ATG7: variants seen among roughly 807,000 people sequenced by gnomAD.
ATG7 encodes the protein ubiquitin-like modifier-activating enzyme ATG7.
In ATG7, 70 loss-of-function variants were observed where a neutral mutation model predicts 82.4. The ratio of observed to expected loss-of-function variants is 0.85; its 90% CI spans 0.70 to 1.04. ATG7 has a LOEUF of 1.04. ATG7 is among the 50% of genes least tolerant of loss of function. The pLI is 0.00. For missense variants in ATG7, 792 were observed against 864.3 expected (o/e 0.92, Z 1.05); for synonymous variants, 287 against 313.0 (o/e 0.92, Z 0.88).
intron 18 of ATG7, among the ~76,000 whole-genome samples, chr3:11,371,203 T>C (rs1235101165): frequency 1.3e-5 from 2 of 151,182 alleles, no homozygotes; most frequent in Non-Finnish European, 1.5e-5. Context: ...CTGCCTGGCT[T>C]CTAGGATTAG....
intron 9 of ATG7, among the ~76,000 whole-genome samples, chr3:11,317,993 T>A (rs1326323742): frequency 6.6e-6 from 1 of 152,228 alleles, no homozygotes; most frequent in African/African-American, 2.4e-5. Flanking sequence ...CACCTCCTTA[T>A]AAGGTTTTGT....
At chr3:11,286,227 C>T (rs1943973166) in intron 3 of ATG7, among the ~76,000 whole-genome samples, 1 of 152,188 alleles carries the variant, frequency 6.6e-6, no homozygotes, top group African/African-American at 2.4e-5. Context: ...GATATTGTCA[C>T]TAGTAGCTAC....
At chr3:11,541,068 T>G (rs898588441) in intron 20 of ATG7, among the ~76,000 whole-genome samples, 1 of 151,804 alleles carries the variant, frequency 6.6e-6, no homozygotes, top group Non-Finnish European at 1.5e-5. Context: ...CCTGGCTAAT[T>G]TTTTTGTATT....
chr3:11,347,399 T>C (rs559692271), intron 13 of ATG7, among the ~76,000 whole-genome samples: 71 of 152,334 alleles, frequency 4.7e-4, no homozygotes, highest in African/African-American at 1.7e-3. Flanking sequence ...TGGTACAAAA[T>C]GTTCTAAAAT....
In ATG7 at chr3:11,288,941, A is replaced by G. The variant is rs138072508; in HGVS notation, c.-11+6503A>G. 4.0e-3 allele frequency among the ~76,000 whole-genome samples: 614 copies of G among 152,308 alleles called. 5 individuals carry two copies. The highest frequency in any genetic ancestry group is 0.014 in the African/African-American group (580 of 41,568). On this transcript the variant is annotated intron_variant, in intron 3 of 20. Transcript: ENST00000693202. ...TGGCTACTGCAGGCTTTCTTACACC[A>G]CTAGAGTTCTTGCTCATTACAGTGT...
At chr3:11,489,416 C>T (rs1372939697) in intron 20 of ATG7, among the ~76,000 whole-genome samples, 1 of 151,774 alleles carries the variant, frequency 6.6e-6, no homozygotes, top group Non-Finnish European at 1.5e-5. Flanking sequence ...TTTATTGATC[C>T]TTTCAAAAAA....
intron 3 of ATG7, among the ~76,000 whole-genome samples, chr3:11,282,803 A>G (rs1433899833): frequency 6.6e-6 from 1 of 152,168 alleles, no homozygotes; most frequent in Non-Finnish European, 1.5e-5. Context: ...CAGAAGCATC[A>G]TTTGTCTATA....
chr3:11,377,038 C>CT (rs1293678683), intron 18 of ATG7, among the ~76,000 whole-genome samples: 2 of 152,220 alleles, frequency 1.3e-5, no homozygotes, highest in Non-Finnish European at 2.9e-5. Flanking sequence ...CGCGCCCGGC[C>CT]TTGTCTGCCG....
chr3:11,493,143 A>G (rs1368277232), intron 20 of ATG7, among the ~76,000 whole-genome samples: 1 of 152,228 alleles, frequency 6.6e-6, no homozygotes, highest in Non-Finnish European at 1.5e-5. Context: ...AGACAATTTT[A>G]TTGAGTGATG....
chr3:11,362,753 G>A, intron 16 of ATG7, 60 bp from the exon 17 acceptor site: 1 of 1,386,500 alleles, frequency 7.2e-7, no homozygotes. Context: ...TCATACTTGA[G>A]ACAGCTAGAG....
intron 14 of ATG7, among the ~76,000 whole-genome samples, chr3:11,355,993 T>G (rs78192877): frequency 0.011 from 1,652 of 152,366 alleles, 30 homozygotes; most frequent in African/African-American, 0.038. Flanking sequence ...AATGTATTAT[T>G]GATACTTAAC....
chr3:11,420,465 A>G (rs1340803232), intron 19 of ATG7, among the ~76,000 whole-genome samples: 1 of 152,192 alleles, frequency 6.6e-6, no homozygotes, highest in African/African-American at 2.4e-5. Flanking sequence ...CTAACAAAGT[A>G]TCATGTCTGG....
intron 17 of ATG7, among the ~76,000 whole-genome samples, chr3:11,363,665 A>G (rs1400286697): frequency 6.6e-6 from 1 of 152,230 alleles, no homozygotes; most frequent in African/African-American, 2.4e-5. Flanking sequence ...TTACATAGTA[A>G]ATGGAAAAGC....
intron 20 of ATG7, among the ~76,000 whole-genome samples, chr3:11,465,227 C>A (rs182098790): frequency 6.6e-6 from 1 of 151,440 alleles, no homozygotes; most frequent in Admixed American, 6.6e-5. Context: ...GAGGCCGAGG[C>A]GTGTGGATCC....
chr3:11,405,626 T>A (rs1436666592), intron 19 of ATG7, among the ~76,000 whole-genome samples: 2 of 152,138 alleles, frequency 1.3e-5, no homozygotes, highest in African/African-American at 2.4e-5. Context: ...TTTCTTTTTT[T>A]TTATTATTTT....
intron 1 of ATG7, among the ~76,000 whole-genome samples, chr3:11,280,111 A>G (rs933215383): frequency 6.6e-6 from 1 of 151,436 alleles, no homozygotes; most frequent in African/African-American, 2.4e-5. Flanking sequence ...CAGTAGTGCT[A>G]TCTCAGCTGA....
chr3:11,399,409 CAAAAT>C (rs1257674115), intron 19 of ATG7, among the ~76,000 whole-genome samples: 1 of 152,008 alleles, frequency 6.6e-6, no homozygotes, highest in East Asian at 1.9e-4. Flanking sequence ...TGTTAAAAAA[CAAAAT>C]GAAGTGATAT....
the ATG7 span, among the ~76,000 whole-genome samples, chr3:11,567,833 C>A: frequency 2.0e-5 from 3 of 152,222 alleles, no homozygotes; most frequent in Admixed American, 2.0e-4. Flanking sequence ...GATAAAGATA[C>A]AATTTTATTG....
intron 20 of ATG7, among the ~76,000 whole-genome samples, chr3:11,548,019 T>G (rs920979094): frequency 6.6e-6 from 1 of 152,084 alleles, no homozygotes; most frequent in Non-Finnish European, 1.5e-5. Context: ...TTTTTAAATT[T>G]TTTTGATAGA....
Sources: allele counts gnomAD v4.1 joint callset (sites outside exome capture counted in the v4.1 genomes callset), GRCh38; gene constraint gnomAD v4.1.1; transcripts MANE v1.5; gene names NCBI Gene and HGNC (gene_info 2026-07-23, HGNC 2026-07-21).